Variants in PRKCH observed in about 807,000 individuals in gnomAD.
PRKCH encodes protein kinase C eta type.
A neutral mutation model predicts 82.5 loss-of-function variants in PRKCH; 28 were observed. That is an observed-to-expected ratio of 0.34 (90% CI 0.25 to 0.47). The LOEUF is 0.47. Ranked by LOEUF, PRKCH falls within the 20% of genes least tolerant of loss-of-function variation. PRKCH has a pLI of 1.00. For missense variants in PRKCH, 705 were observed against 881.8 expected, an observed-to-expected ratio of 0.80 and a Z score of 2.54; for synonymous variants, 322 against 327.4, an observed-to-expected ratio of 0.98 and a Z score of 0.18.
intron 1 of PRKCH, among the ~76,000 whole-genome samples, chr14:61,241,124 G>A (rs2044833246): frequency 6.6e-6 from 1 of 152,202 alleles, no homozygotes; most frequent in East Asian, 1.9e-4. Context: ...ATTTGCCAAA[G>A]TGGCTCACAG....
At chr14:61,394,260 T>G (rs1030415636) in intron 2 of PRKCH, among the ~76,000 whole-genome samples, 5 of 36,536 alleles carry the variant, frequency 1.4e-4, no homozygotes, top group African/African-American at 2.2e-4. Context: ...CCTAGAATAC[T>G]TGACATAAAA....
intron 1 of PRKCH, among the ~76,000 whole-genome samples, chr14:61,356,028 C>T (rs1249576714): frequency 6.6e-6 from 1 of 152,152 alleles, no homozygotes; most frequent in Non-Finnish European, 1.5e-5. Context: ...GGTAACACAT[C>T]GCCACCCCTT....
chr14:61,189,210 TTG>T (rs1451119264), intron 1 of PRKCH, among the ~76,000 whole-genome samples: 4 of 152,196 alleles, frequency 2.6e-5, no homozygotes, highest in Admixed American at 2.6e-4. Flanking sequence ...CCGCCGGTGT[TTG>T]GGAATCCCAG....
intron 9 of PRKCH, among the ~76,000 whole-genome samples, chr14:61,462,359 C>G (rs1885064139): frequency 6.6e-6 from 1 of 151,986 alleles, no homozygotes; most frequent in Non-Finnish European, 1.5e-5. Flanking sequence ...CATTGCACTC[C>G]AACCTGGGTG....
chr14:61,411,312 G>A (rs576589002), intron 2 of PRKCH, among the ~76,000 whole-genome samples: 3 of 152,170 alleles, frequency 2.0e-5, no homozygotes, highest in Non-Finnish European at 4.4e-5. Flanking sequence ...ATAAAAGAGT[G>A]GACAGGGCAG....
intron 9 of PRKCH, among the ~76,000 whole-genome samples, chr14:61,458,954 C>T (rs957439936): frequency 5.9e-5 from 9 of 152,252 alleles, no homozygotes; most frequent in African/African-American, 2.2e-4. Context: ...CCATATCATG[C>T]CCTTAGCAAG....
intron 1 of PRKCH, among the ~76,000 whole-genome samples, chr14:61,388,108 A>G (rs551272017): frequency 4.3e-4 from 64 of 149,744 alleles, no homozygotes; most frequent in African/African-American, 1.6e-3. Flanking sequence ...AGATGGTGCT[A>G]CTGCACACCA....
At chr14:61,490,776 T>G (rs1886418902) in intron 10 of PRKCH, among the ~76,000 whole-genome samples, 1 of 152,062 alleles carries the variant, frequency 6.6e-6, no homozygotes, top group Non-Finnish European at 1.5e-5. Flanking sequence ...TAGGTGGGCA[T>G]GGTGTAGTGC....
intron 1 of PRKCH, among the ~76,000 whole-genome samples, chr14:61,263,406 G>A (rs1039395963): frequency 2.6e-5 from 4 of 151,980 alleles, no homozygotes; most frequent in African/African-American, 7.3e-5. Flanking sequence ...GTGTGTTTGT[G>A]TATCATTTAA....
chr14:61,244,379 A>G (rs1014651144), intron 1 of PRKCH, among the ~76,000 whole-genome samples: 3 of 152,246 alleles, frequency 2.0e-5, no homozygotes, highest in Admixed American at 1.3e-4. Context: ...CTGAAACGGT[A>G]TATGAGTAAT....
chr14:61,188,616 GTGTGTGTGTGT>G (rs2044385702), intron 1 of PRKCH, among the ~76,000 whole-genome samples: 355 of 34,568 alleles, frequency 0.01, 43 homozygotes, highest in African/African-American at 0.022. Flanking sequence ...GGTGTGGTGT[GTGTGTGTGTGT>G]GTGTGTGTGT....
chr14:61,373,071 A>G (rs2046383962), intron 1 of PRKCH, among the ~76,000 whole-genome samples: 1 of 151,952 alleles, frequency 6.6e-6, no homozygotes, highest in Non-Finnish European at 1.5e-5. Context: ...TGATGTTCAG[A>G]AAATGCTCTC....
intron 1 of PRKCH, among the ~76,000 whole-genome samples, chr14:61,339,444 C>T (rs1443677188): frequency 1.3e-5 from 2 of 150,874 alleles, no homozygotes; most frequent in Non-Finnish European, 3.0e-5. Flanking sequence ...CTGCCTCAGC[C>T]TCCCGAGTAG....
chr14:61,538,032 T>C (rs540675104), intron 12 of PRKCH: 101 of 152,332 alleles, frequency 6.6e-4, no homozygotes, highest in African/African-American at 2.3e-3. Flanking sequence ...TTCATTTCCC[T>C]ACTCCCCTCC....
intron 5 of PRKCH, 56 bp from the exon 6 acceptor site, chr14:61,450,785 TA>T: frequency 1.3e-5 from 20 of 1,578,306 alleles, no homozygotes; most frequent in Non-Finnish European, 1.7e-5. Flanking sequence ...TTACAGTTTT[TA>T]CAAAGGACAT....
chr14:61,437,422 T>A (rs980238272), intron 2 of PRKCH, among the ~76,000 whole-genome samples: 18 of 152,344 alleles, frequency 1.2e-4, no homozygotes, highest in African/African-American at 4.1e-4. Flanking sequence ...TTTTTCTGTT[T>A]GTTTTTCTCA....
chr14:61,461,174 C>T (rs1314817853), intron 9 of PRKCH, among the ~76,000 whole-genome samples: 6 of 152,322 alleles, frequency 3.9e-5, no homozygotes, highest in Admixed American at 3.9e-4. Context: ...TCTGCTTTCC[C>T]TCTGCTGGAT....
intron 6 of PRKCH, among the ~76,000 whole-genome samples, chr14:61,452,097 G>A (rs1884538081): frequency 6.6e-6 from 1 of 152,124 alleles, no homozygotes; most frequent in Admixed American, 6.5e-5. Flanking sequence ...CATCTGCATT[G>A]TCCTCTTCCC....
chr14:61,504,510 G>A (rs905454405), intron 10 of PRKCH, among the ~76,000 whole-genome samples: 2 of 152,070 alleles, frequency 1.3e-5, no homozygotes, highest in Non-Finnish European at 2.9e-5. Flanking sequence ...CATTTTGGGC[G>A]GTACACTGCA....
Sources: gnomAD v4.1 joint callset for allele counts (sites outside exome capture counted in the v4.1 genomes callset) on GRCh38, gnomAD v4.1.1 for gene constraint, MANE v1.5 for transcripts, NCBI Gene and HGNC (gene_info 2026-07-23, HGNC 2026-07-21) for gene names.